The following KDM5D variants were observed in gnomAD, a reference collection of about 807,000 sequenced individuals.
The protein encoded by KDM5D is lysine-specific demethylase 5D.
In KDM5D, 25 loss-of-function variants were observed where a neutral mutation model predicts 31.9. The observed-to-expected ratio is 0.78, with a 90% CI of 0.57 to 1.09. KDM5D has a LOEUF of 1.09. Ranked by LOEUF, KDM5D falls within the 50% of genes least tolerant of loss-of-function variation. The pLI is 0.00. For synonymous variants in KDM5D, 146 were observed against 122.3 expected (o/e 1.19, Z -1.28); for missense variants, 366 against 341.6 (o/e 1.07, Z -0.56).
intron 5 of KDM5D, 130 bp downstream of exon 5, chrY:19,741,188 T>C: frequency 5.9e-6 from 1 of 168,821 alleles, no homozygotes. Flanking sequence ...GGCCAATTCC[T>C]GGAACATCTT....
At position 19,739,679 on chromosome Y, in the gene KDM5D, A is replaced by G; in HGVS notation, c.523-17T>C. On this transcript the variant is annotated splice_polypyrimidine_tract_variant and intron_variant, in intron 5 of 26. Coordinates refer to ENST00000317961, the MANE Select transcript of KDM5D (RefSeq NM_004653.5). The stretch of plus-strand genomic sequence containing the variant: ...GTTACATTGCTAGAGAGAAAAAAAT[A>G]TATAGAATCAGAAATTGAGTCATAT... 2.8e-6 allele frequency: 1 copy of G among 362,970 alleles called. No homozygotes were observed. Among genetic ancestry groups the G allele is most frequent in the Non-Finnish European group, 3.9e-6 (1 of 256,428 alleles). The allele number at this position is 362,970 out of a possible 400,897, so 90.5% of individuals were successfully genotyped here.
chrY:19,741,776 T>A lies in KDM5D; in HGVS notation c.310A>T (p.Asn104Tyr). 1 of 389,133 alleles carries A rather than the reference T, an allele frequency of 2.6e-6. No individual in the cohort carries two copies. The highest frequency in any genetic ancestry group is 6.2e-5 in the African/African-American group (1 of 16,112). The change falls in exon 4 of 27, where the codon AAT (asparagine) becomes TAT (tyrosine). Residue 104 changes from asparagine to tyrosine, a missense_variant. Transcript: ENST00000317961. Reference protein sequence around the residue: ...EIQGSSLKIPNVERKILDLYS... With the variant: ...EIQGSSLKIPYVERKILDLYS... ...AGGTCCAAGATCTTCCGCTCCACAT[T>A]GGGAATCTTTAAAGAGGAGCCTTGA...
intron 19 of KDM5D, chrY:19,710,071 ACT>A: frequency 5.6e-6 from 2 of 357,443 alleles, no homozygotes; most frequent in Non-Finnish European, 7.6e-6. Flanking sequence ...GCTTTCTAAG[ACT>A]CTGGTGTCTG....
chrY:19,730,861 T>C (rs1029571560), intron 11 of KDM5D, among the ~76,000 whole-genome samples: 1 of 33,444 alleles, frequency 3.0e-5, no homozygotes, highest in Non-Finnish European at 7.4e-5. Flanking sequence ...AGAAAAGATA[T>C]AGTGAAAGTA....
At chrY:19,710,220 T>C in intron 19 of KDM5D, 156 bp downstream of exon 19, 2 of 374,241 alleles carry the variant, frequency 5.3e-6, no homozygotes, top group Non-Finnish European at 7.4e-6. Context: ...CACACAGAGA[T>C]GGTATGGGAA....
intron 11 of KDM5D, 104 bp from the exon 12 acceptor site, chrY:19,721,415 G>A (rs1569364861): frequency 5.5e-6 from 1 of 180,422 alleles, no homozygotes; most frequent in Non-Finnish European, 1.0e-5. Context: ...CTTAGAACAT[G>A]CTGCCTCTGG....
At chrY:19,712,506 A>G in intron 18 of KDM5D, among the ~76,000 whole-genome samples, 1 of 34,385 alleles carries the variant, frequency 2.9e-5, no homozygotes, top group African/African-American at 1.1e-4. Context: ...ACAGCCATAT[A>G]CTGGTTAATG....
intron 11 of KDM5D, among the ~76,000 whole-genome samples, chrY:19,730,700 C>T: frequency 9.1e-5 from 3 of 33,091 alleles, no homozygotes; most frequent in Non-Finnish European, 7.5e-5. Flanking sequence ...ATAGAGTATA[C>T]TCACACAAAC....
rs750481044 is a variant in KDM5D at position 19,706,565 on chromosome Y, G to A, written c.4145C>T (p.Pro1382Leu). 1 of 396,578 alleles carries A rather than the reference G, an allele frequency of 2.5e-6. No homozygotes were observed. Among genetic ancestry groups the A allele is most frequent in the African/African-American group, 6.4e-5 (1 of 15,629 alleles). Reference protein sequence around the residue: ...VLELPEAIRAPLEELMMEGDL... With the variant: ...VLELPEAIRALLEELMMEGDL... ...CCCTTCCATCATGAGCTCCTCCAGG[G>A]GAGCCCGGATTGCCTCAGGCAGCTC... The change falls in exon 26 of 27, where the codon CCC becomes CTC. Residue 1382 changes from proline (P) to leucine (L), a missense_variant. By Grantham distance (98) the Pro-to-Leu change is moderately conservative. Coordinates refer to ENST00000317961, the MANE Select transcript of KDM5D (RefSeq NM_004653.5).
chrY:19,721,032 C>G lies in KDM5D; in HGVS notation c.1556G>C (p.Gly519Ala), dbSNP rs775155250. The G allele has an allele frequency of 2.5e-6, 1 of 397,794 alleles. No homozygotes were observed. Among genetic ancestry groups the G allele is most frequent in the Non-Finnish European group, 3.5e-6 (1 of 282,899 alleles). ...WSYSINYLHW[G>A]EPKTWYGVPS... The stretch of plus-strand genomic sequence containing the variant: ...TACACCATACCAGGTCTTCGGCTCA[C>G]CCCTGCTCACGTAGACAGAAGACAC... Residue 519 changes from glycine to alanine, a missense_variant and splice_region_variant, in exon 13 of 27, where the codon GGT becomes GCT. Gly to Ala is a moderately conservative substitution (Grantham distance 60, BLOSUM62 0). Transcript: ENST00000317961.
chrY:19,733,512 T>C, intron 8 of KDM5D, among the ~76,000 whole-genome samples: 1 of 31,583 alleles, frequency 3.2e-5, no homozygotes, highest in African/African-American at 1.2e-4. Context: ...TATACATATA[T>C]ACATGCATAT....
At position 19,709,730 on chromosome Y, in the gene KDM5D, A is replaced by C; in HGVS notation, c.2663T>G (p.Leu888Trp). The C allele has an allele frequency of 2.5e-6, 1 of 397,900 alleles. No individual in the cohort carries two copies. The highest frequency in any genetic ancestry group is 9.3e-5 in the East Asian group (1 of 10,809). ...CTGCCCCCTCTCCAACAGGGACCGC[A>C]ATAGCCCTGGACTAGAGGGCAGTGT... ...LATLPSSPGL[L>W]RSLLERGQQL... The change falls in exon 20 of 27, where the codon TTG (leucine) becomes TGG (tryptophan). Residue 888 changes from leucine to tryptophan, a missense_variant. By Grantham distance (61) the Leu-to-Trp change is moderately conservative. Coordinates refer to ENST00000317961, the MANE Select transcript of KDM5D (RefSeq NM_004653.5).
Position 19,744,431 on chromosome Y carries a change from C to A in KDM5D, c.104G>T (p.Arg35Met), listed in dbSNP as rs1367436464. ...QDPLGYIAKI[R>M]PIAEKSGICK... ...GATGCCAGACTTCTCTGCTATGGGC[C>A]TTATTTTCGCAATGTAGCCAAGCGG... The change falls in exon 2 of 27, where the codon AGG becomes ATG. Residue 35 changes from arginine to methionine, a missense_variant. Transcript: ENST00000317961. 1 of 393,179 alleles carries A rather than the reference C, an allele frequency of 2.5e-6. No homozygotes were observed. The highest frequency in any genetic ancestry group is 3.6e-6 in the Non-Finnish European group (1 of 280,312).
intron 5 of KDM5D, 32 bp downstream of exon 5, chrY:19,741,286 A>G: frequency 2.7e-6 from 1 of 368,180 alleles, no homozygotes; most frequent in Non-Finnish European, 3.9e-6. Flanking sequence ...ACAAAATCAC[A>G]TCAGGCCACA....
chrY:19,722,549 A>G, intron 11 of KDM5D: 1 of 33,492 alleles, frequency 3.0e-5, no homozygotes, highest in South Asian at 6.5e-4. Context: ...TATTACATTA[A>G]GCTAAAAAGC....
Position 19,716,320 on chromosome Y carries a change from C to T in KDM5D, c.1990G>A (p.Val664Ile). The T allele has an allele frequency of 2.5e-6, 1 of 399,045 alleles. No homozygotes were observed. The highest frequency in any genetic ancestry group is 3.0e-5 in the South Asian group (1 of 33,826). ...VAVHKEMFIM[V>I]QEERRLRKAL... is the part of the protein sequence containing the mutation. Reference sequence around the variant, plus strand: ...TTTCGTAGACGTCGCTCCTCCTGAACCATAATGAACATCTCCTTGTGCACA... The same window carrying T: ...TTTCGTAGACGTCGCTCCTCCTGAATCATAATGAACATCTCCTTGTGCACA... Residue 664 changes from valine to isoleucine, a missense_variant, in exon 15 of 27, where the codon GTT (valine) becomes ATT (isoleucine). Physicochemically the swap from Val to Ile is conservative, Grantham distance 29. Transcript: ENST00000317961.
intron 11 of KDM5D, chrY:19,722,439 G>C: frequency 3.0e-5 from 1 of 33,220 alleles, no homozygotes; most frequent in Non-Finnish European, 7.4e-5. Flanking sequence ...ACTACTAAAA[G>C]AAGACATAAG....
Position 19,744,528 on chromosome Y carries a change from G to A in KDM5D, c.7C>T (p.Pro3Ser). Residue 3 changes from proline (P) to serine (S), a missense_variant, in exon 2 of 27, where the codon CCG becomes TCG. By Grantham distance (74) the Pro-to-Ser change is moderately conservative. Coordinates refer to ENST00000317961, the MANE Select transcript of KDM5D (RefSeq NM_004653.5). ...GGCGGCAGGAACTCGTCACACCCCG[G>A]TTCCATGTCGGGCCTTAATGCTAAG... MEPGCDEFLPPPE... is the reference protein window; with the variant it reads MESGCDEFLPPPE... The A allele has an allele frequency of 2.5e-6, 1 of 394,062 alleles. No individual in the cohort carries two copies. Among genetic ancestry groups the A allele is most frequent in the Non-Finnish European group, 3.6e-6 (1 of 280,020 alleles).
At chrY:19,742,447 C>A in intron 3 of KDM5D, among the ~76,000 whole-genome samples, 1 of 34,119 alleles carries the variant, frequency 2.9e-5, no homozygotes, top group Non-Finnish European at 7.3e-5. Context: ...TAAAGCAGAA[C>A]ATATGTAATA....
Sources: allele counts gnomAD v4.1 joint callset (sites outside exome capture counted in the v4.1 genomes callset), GRCh38; gene constraint gnomAD v4.1.1; transcripts MANE v1.5; gene names NCBI Gene and HGNC (gene_info 2026-07-23, HGNC 2026-07-21).